Variants in USP2 observed in about 807,000 individuals in gnomAD.
The protein encoded by USP2 is ubiquitin carboxyl-terminal hydrolase 2.
USP2 carries 33 observed loss-of-function variants against 72.0 expected under a neutral mutation model. The ratio of observed to expected loss-of-function variants is 0.46; its 90% CI spans 0.35 to 0.61. The LOEUF is 0.61. USP2 is among the 20% of genes least tolerant of loss of function. The pLI, the probability that USP2 is intolerant of heterozygous loss-of-function variation, is 0.01. For synonymous variants in USP2, 296 were observed against 312.5 expected (o/e 0.95, Z 0.56); for missense variants, 691 against 797.8 (o/e 0.87, Z 1.61).
intron 3 of USP2, 131 bp downstream of exon 3, chr11:119,360,053 A>G (rs1485900077): frequency 2.4e-5 from 28 of 1,146,756 alleles, no homozygotes; most frequent in Non-Finnish European, 3.5e-5. Context: ...AACACCAGCC[A>G]GGAAGGGCAA....
chr11:119,365,316 C>A (rs953149027), intron 2 of USP2, among the ~76,000 whole-genome samples: 1 of 152,036 alleles, frequency 6.6e-6, no homozygotes, highest in African/African-American at 2.4e-5. Flanking sequence ...CCCAGGCCAC[C>A]GACAAAGCAG....
chr11:119,356,270 T>A lies in USP2; in HGVS notation c.*565A>T, dbSNP rs1197767661. ...AGTCTGAACACTTTAGTTATGGAAA[T>A]TAAAAAAAAAAAGTTGGGCTTTTTA... On this transcript the variant is annotated 3_prime_UTR_variant, in exon 13 of 13. Coordinates refer to ENST00000260187, the MANE Select transcript of USP2 (RefSeq NM_004205.5). The A allele has an allele frequency of 6.6e-6, 1 of 152,276 alleles. No homozygotes were observed. Among genetic ancestry groups the A allele is most frequent in the Non-Finnish European group, 1.5e-5 (1 of 68,148 alleles). 9.4% of individuals were successfully genotyped at this position (152,276 alleles called of 1,614,324 possible).
Position 119,381,531 on chromosome 11 carries a change from A to G in USP2, c.-100T>C. Reference sequence around the variant, plus strand: ...GGGCACAAGCATGGAGCTGCGGGTGAGTCCCGGCTGGCGCTGGCGCGGCGC... The same window carrying G: ...GGGCACAAGCATGGAGCTGCGGGTGGGTCCCGGCTGGCGCTGGCGCGGCGC... On this transcript the variant is annotated 5_prime_UTR_variant, in exon 1 of 13. Transcript: ENST00000260187. 1 of 1,536,132 alleles carries G rather than the reference A, an allele frequency of 6.5e-7. No individual in the cohort carries two copies. The highest frequency in any genetic ancestry group is 8.7e-7 in the Non-Finnish European group (1 of 1,146,886).
At position 119,359,105 on chromosome 11, in the gene USP2, A is replaced by G; in HGVS notation, c.1091T>C (p.Phe364Ser). ...CTCGTTATGGAGCCCATCCAGAAGA[A>G]AGCGAAGGAACTCCTGAGCATCCTG... ...NQQDAQEFLR[F>S]LLDGLHNEVN... The change falls in exon 6 of 13, where the codon TTT becomes TCT. Residue 364 changes from phenylalanine (F) to serine (S), a missense_variant. Transcript: ENST00000260187. 6.2e-7 allele frequency: 1 copy of G among 1,614,074 alleles called. No homozygotes were observed. The highest frequency in any genetic ancestry group is 8.5e-7 in the Non-Finnish European group (1 of 1,180,018).
At chr11:119,364,153 C>T (rs1394846019) in intron 2 of USP2, 70 of 1,210,616 alleles carry the variant, frequency 5.8e-5, no homozygotes, top group Non-Finnish European at 9.2e-6. Flanking sequence ...CCGCCTCAAC[C>T]TCCCCGGCGT....
intron 2 of USP2, among the ~76,000 whole-genome samples, chr11:119,370,962 C>T (rs972892283): frequency 5.3e-5 from 8 of 152,140 alleles, no homozygotes; most frequent in African/African-American, 1.9e-4. Flanking sequence ...CCAGTGGAAT[C>T]TGATCCCCAG....
intron 8 of USP2, 40 bp downstream of exon 8, chr11:119,358,109 G>A: frequency 6.2e-7 from 1 of 1,614,168 alleles, no homozygotes; most frequent in East Asian, 2.2e-5. Flanking sequence ...TGAAAGGACA[G>A]GAGAGGGAGT....
intron 5 of USP2, 25 bp downstream of exon 5, chr11:119,359,206 G>A: frequency 6.2e-7 from 1 of 1,612,600 alleles, no homozygotes; most frequent in South Asian, 1.1e-5. Context: ...ACCCACCTGA[G>A]AGGACATGTC....
At position 119,381,483 on chromosome 11, in the gene USP2, T is replaced by C; in HGVS notation, c.-52A>G. The C allele has an allele frequency of 6.5e-7, 1 of 1,536,148 alleles. No homozygotes were observed. Among genetic ancestry groups the C allele is most frequent in the Non-Finnish European group, 8.7e-7 (1 of 1,146,896 alleles). On this transcript the variant is annotated 5_prime_UTR_variant, in exon 1 of 13. Transcript: ENST00000260187. Reference sequence around the variant, plus strand: ...ACAGGTGGCACGTACCTGCCTCTTCTTGGAGTATGGACGAGTCGAACCGGG... The same window carrying C: ...ACAGGTGGCACGTACCTGCCTCTTCCTGGAGTATGGACGAGTCGAACCGGG...
At chr11:119,364,056 G>T (rs1210168661) in intron 2 of USP2, 33 of 1,271,264 alleles carry the variant, frequency 2.6e-5, no homozygotes, top group Non-Finnish European at 3.2e-5. Flanking sequence ...GGCGCGGGGG[G>T]AGTCCCCGCG....
At chr11:119,358,740 T>C in intron 7 of USP2, 33 bp downstream of exon 7, 1 of 1,612,876 alleles carries the variant, frequency 6.2e-7, no homozygotes, top group Non-Finnish European at 8.5e-7. Flanking sequence ...CAGGCAACAG[T>C]GAAAACAGGC....
Position 119,364,035 on chromosome 11 carries a change from T to G in USP2, c.775-3801A>C, listed in dbSNP as rs946643637. On this transcript the variant is annotated intron_variant, in intron 2 of 12. Coordinates refer to ENST00000260187, the MANE Select transcript of USP2 (RefSeq NM_004205.5). ...GGCGGGCTTTGGCCCTCGCTTAACG[T>G]TGGCAGCGGGGGCGCGGGGGGAGTC... 2.1e-5 allele frequency: 25 copies of G among 1,190,770 alleles called. No homozygotes were observed. In the African/African-American group the frequency reaches 3.1e-4, roughly 15 times the overall value. The allele number at this position is 1,190,770 out of a possible 1,614,324, so 73.8% of individuals were successfully genotyped here. A position where few individuals can be genotyped will look rare whatever the true frequency, so the allele number is the denominator to read the frequency against.
At chr11:119,370,318 A>G (rs1481695627) in intron 2 of USP2, among the ~76,000 whole-genome samples, 1 of 152,226 alleles carries the variant, frequency 6.6e-6, no homozygotes, top group Non-Finnish European at 1.5e-5. Flanking sequence ...ACTAAGCAAC[A>G]TGCCAGGCAC....
chr11:119,364,885 C>A (rs1950830650), intron 2 of USP2, among the ~76,000 whole-genome samples: 1 of 152,188 alleles, frequency 6.6e-6, no homozygotes, highest in Admixed American at 6.5e-5. Context: ...TCTCTTCTAA[C>A]CAATTACCCA....
At chr11:119,358,275 A>G in intron 7 of USP2, 23 bp from the exon 8 acceptor site, 2 of 1,604,416 alleles carry the variant, frequency 1.2e-6, no homozygotes, top group South Asian at 1.1e-5. Flanking sequence ...AGGCCATGAG[A>G]TGCTGAAATA....
intron 1 of USP2, chr11:119,376,154 G>A: frequency 1.0e-6 from 1 of 984,896 alleles, no homozygotes; most frequent in South Asian, 4.7e-5. Context: ...GCAACCCCCA[G>A]TTTCACTCTC....
chr11:119,361,137 C>G (rs374865405), intron 2 of USP2, among the ~76,000 whole-genome samples: 6 of 152,206 alleles, frequency 3.9e-5, no homozygotes, highest in Non-Finnish European at 5.9e-5. Context: ...ATTAAAGACT[C>G]GGAGAATCCT....
chr11:119,357,729 T>C, intron 10 of USP2, 28 bp downstream of exon 10: 1 of 1,613,588 alleles, frequency 6.2e-7, no homozygotes, highest in Non-Finnish European at 8.5e-7. Context: ...GAAAGTCATG[T>C]CCCAGCCCTG....
chr11:119,357,024 A>G (rs1048944927), intron 12 of USP2, 102 bp from the exon 13 acceptor site: 48 of 1,335,930 alleles, frequency 3.6e-5, no homozygotes, highest in South Asian at 5.0e-5. Flanking sequence ...CCTTTCAGGG[A>G]GCCTCCCCAC....
Sources: allele counts gnomAD v4.1 joint callset (sites outside exome capture counted in the v4.1 genomes callset), GRCh38; gene constraint gnomAD v4.1.1; transcripts MANE v1.5; gene names NCBI Gene and HGNC (gene_info 2026-07-23, HGNC 2026-07-21).